THADA: variants seen among roughly 807,000 people sequenced by gnomAD.
The protein encoded by THADA is THADA armadillo repeat containing, also known as tRNA (32-2'-O)-methyltransferase regulator THADA.
A neutral mutation model predicts 219.8 loss-of-function variants in THADA; 213 were observed. The observed-to-expected ratio is 0.97, with a 90% CI of 0.87 to 1.09. The LOEUF (loss-of-function observed/expected upper bound fraction) is 1.09. Ranked by LOEUF, THADA falls within the 50% of genes least tolerant of loss-of-function variation. THADA has a pLI of 0.00. For missense variants in THADA, 2,956 were observed against 2,311.3 expected (o/e 1.28, Z -5.72); for synonymous variants, 1,018 against 828.9 (o/e 1.23, Z -3.92).
chr2:43,563,440 T>C (rs1377316996), intron 15 of THADA: 2 of 152,202 alleles, frequency 1.3e-5, no homozygotes, highest in Non-Finnish European at 2.9e-5. Flanking sequence ...ACAGAACTTA[T>C]CTACATCTTG....
At chr2:43,531,717 C>T (rs751614081) in intron 21 of THADA, among the ~76,000 whole-genome samples, 1 of 152,092 alleles carries the variant, frequency 6.6e-6, no homozygotes, top group Non-Finnish European at 1.5e-5. Context: ...CCTCTGAAAA[C>T]TCCAACTCAA....
At chr2:43,523,855 A>T (rs1386468768) in intron 22 of THADA, among the ~76,000 whole-genome samples, 1 of 152,212 alleles carries the variant, frequency 6.6e-6, no homozygotes, top group Non-Finnish European at 1.5e-5. Flanking sequence ...TCTCCCTTCT[A>T]GATTTAGAAT....
chr2:43,305,872 A>G (rs1423895677), intron 31 of THADA, among the ~76,000 whole-genome samples: 1 of 151,920 alleles, frequency 6.6e-6, no homozygotes, highest in Admixed American at 6.6e-5. Context: ...CTAAGCATAC[A>G]CTACTTCTGG....
At position 43,503,245 on chromosome 2, in the gene THADA, G is replaced by C. The variant is rs1689249815; in HGVS notation, c.3621+2377C>G. On this transcript the variant is annotated intron_variant, in intron 24 of 37. Transcript: ENST00000405975. ...CTGGAGAAACACTCACGTGTGTAAG[G>C]AGACACACAAGAATGTTTGTTTCAG... Among the ~76,000 whole-genome samples the C allele has an allele frequency of 2.0e-5, 3 of 152,166 alleles. No homozygotes were observed. In the South Asian group the frequency reaches 6.2e-4, roughly 32 times the overall value.
rs544114719 is a variant in THADA, at chr2:43,367,943, C to G, written c.4228-23706G>C. Among the ~76,000 whole-genome samples, 157 of 152,148 alleles carry G rather than the reference C, an allele frequency of 1.0e-3. 1 individual carries two copies. The highest frequency in any genetic ancestry group is 3.7e-3 in the African/African-American group (153 of 41,518). ...ACCATCCTGGCCAATATGGTGAAAC[C>G]CTGTCTCTACTAAAAATACAAAAAA... On this transcript the variant is annotated intron_variant, in intron 29 of 37. Coordinates refer to ENST00000405975, the MANE Select transcript of THADA (RefSeq NM_022065.5).
intron 17 of THADA, 110 bp from the exon 18 acceptor site, chr2:43,552,449 C>T (rs1446138423): frequency 8.5e-7 from 1 of 1,183,258 alleles, no homozygotes; most frequent in Non-Finnish European, 1.2e-6. Context: ...GAACTTTACA[C>T]TAGAGTTTTT....
rs566653495 is a variant in THADA at position 43,480,074 on chromosome 2, G to C, written c.3836+5160C>G. Among the ~76,000 whole-genome samples, 3 of 152,310 alleles carry C rather than the reference G, an allele frequency of 2.0e-5. No individual in the cohort carries two copies. The South Asian group carries it at 6.2e-4, about 32-fold the overall frequency. On this transcript the variant is annotated intron_variant, in intron 26 of 37. Transcript: ENST00000405975. Reference sequence around the variant, plus strand: ...AAAAGGTGACACCCTGCCCATGAGGGAATCCGTTGTTTGGTGTGTAACAGC... The same window carrying C: ...AAAAGGTGACACCCTGCCCATGAGGCAATCCGTTGTTTGGTGTGTAACAGC...
At chr2:43,321,441 A>G (rs1678703039) in intron 30 of THADA, among the ~76,000 whole-genome samples, 1 of 152,188 alleles carries the variant, frequency 6.6e-6, no homozygotes, top group Admixed American at 6.5e-5. Context: ...ATGTAATGCT[A>G]TTGTAACACT....
chr2:43,512,349 C>A (rs929365151), intron 22 of THADA, among the ~76,000 whole-genome samples: 5 of 152,208 alleles, frequency 3.3e-5, no homozygotes, highest in African/African-American at 1.2e-4. Flanking sequence ...TCCCTTGCTT[C>A]TCAGCTCTGC....
intron 36 of THADA, among the ~76,000 whole-genome samples, chr2:43,256,594 T>C (rs1670336853): frequency 6.9e-6 from 1 of 145,816 alleles, no homozygotes; most frequent in African/African-American, 2.7e-5. Flanking sequence ...AAAAGAAAAA[T>C]AAATAAATAA....
At chr2:43,536,131 G>C (rs1261673036) in intron 21 of THADA, among the ~76,000 whole-genome samples, 2 of 152,138 alleles carry the variant, frequency 1.3e-5, no homozygotes, top group South Asian at 2.1e-4. Flanking sequence ...TTTGTATAGA[G>C]TGAGAGGTGG....
intron 37 of THADA, among the ~76,000 whole-genome samples, chr2:43,232,248 G>T (rs1313134827): frequency 3.3e-5 from 5 of 150,760 alleles, no homozygotes; most frequent in African/African-American, 1.2e-4. Context: ...GTGCAATCTC[G>T]GCTCACTGCA....
chr2:43,578,314 CTTT>C (rs34796084), intron 9 of THADA, among the ~76,000 whole-genome samples, 196 bp downstream of exon 9: 1 of 141,674 alleles, frequency 7.1e-6, no homozygotes, highest in Non-Finnish European at 1.5e-5. Flanking sequence ...AGCAAATTTT[CTTT>C]TTTTTTTTTT....
chr2:43,232,111 A>T (rs1464934515), intron 37 of THADA, among the ~76,000 whole-genome samples: 1 of 152,208 alleles, frequency 6.6e-6, no homozygotes, highest in Admixed American at 6.5e-5. Flanking sequence ...GCTAACTCCA[A>T]TACTGACTAA....
intron 36 of THADA, among the ~76,000 whole-genome samples, chr2:43,277,630 G>A (rs1672866122): frequency 6.6e-6 from 1 of 151,696 alleles, no homozygotes; most frequent in Admixed American, 6.6e-5. Flanking sequence ...TGGAGCTCTT[G>A]TGTTGTATTT....
At chr2:43,274,512 GA>G (rs1290594340) in intron 36 of THADA, among the ~76,000 whole-genome samples, 1 of 152,170 alleles carries the variant, frequency 6.6e-6, no homozygotes, top group Non-Finnish European at 1.5e-5. Flanking sequence ...TGGGAAGAGA[GA>G]ACTAAAGCAC....
chr2:43,398,986 T>A (rs1674445238), intron 28 of THADA, among the ~76,000 whole-genome samples: 1 of 152,170 alleles, frequency 6.6e-6, no homozygotes, highest in African/African-American at 2.4e-5. Context: ...TATTTTGAGA[T>A]TCTAGAAAGG....
chr2:43,336,267 A>AC (rs1280443986), intron 30 of THADA, among the ~76,000 whole-genome samples: 3 of 151,476 alleles, frequency 2.0e-5, no homozygotes, highest in Admixed American at 1.3e-4. Context: ...TCTCAAAAAA[A>AC]CCATTTTTTT....
At chr2:43,246,604 T>A (rs1413764655) in intron 36 of THADA, among the ~76,000 whole-genome samples, 1 of 152,030 alleles carries the variant, frequency 6.6e-6, no homozygotes, top group African/African-American at 2.4e-5. Context: ...ATAGAACAAA[T>A]ACAGTTTATG....
Sources: allele counts gnomAD v4.1 joint callset (sites outside exome capture counted in the v4.1 genomes callset), GRCh38; gene constraint gnomAD v4.1.1; transcripts MANE v1.5; gene names NCBI Gene and HGNC (gene_info 2026-07-23, HGNC 2026-07-21).